EPHX2: variants seen among roughly 807,000 people sequenced by gnomAD.
EPHX2 encodes the protein bifunctional epoxide hydrolase 2.
EPHX2 carries 74 observed loss-of-function variants against 78.7 expected under a neutral mutation model. That is an observed-to-expected ratio of 0.94 (90% CI 0.78 to 1.14). EPHX2 has a LOEUF of 1.14. EPHX2 is among the 50% of genes most tolerant of loss of function. The pLI is 0.00. For missense variants in EPHX2, 715 were observed against 702.5 expected (o/e 1.02, Z -0.20); for synonymous variants, 251 against 255.2 (o/e 0.98, Z 0.16).
chr8:27,491,487 C>T (rs1459613244), intron 1 of EPHX2, among the ~76,000 whole-genome samples, 178 bp downstream of exon 1: 2 of 152,236 alleles, frequency 1.3e-5, no homozygotes, highest in Admixed American at 6.5e-5. Context: ...CGTTGTCTTT[C>T]TAAATGTTCA....
intron 1 of EPHX2, among the ~76,000 whole-genome samples, chr8:27,497,194 C>T (rs1813603890): frequency 6.6e-6 from 1 of 152,198 alleles, no homozygotes; most frequent in Non-Finnish European, 1.5e-5. Flanking sequence ...AGGGTGATGA[C>T]ATGAGCTGTC....
At chr8:27,498,988 A>G (rs948631107) in intron 1 of EPHX2, among the ~76,000 whole-genome samples, 2 of 152,192 alleles carry the variant, frequency 1.3e-5, no homozygotes, top group Non-Finnish European at 2.9e-5. Flanking sequence ...TCCAAGGTTG[A>G]GGGGTTGCAT....
intron 5 of EPHX2, among the ~76,000 whole-genome samples, chr8:27,510,926 A>G (rs1250228900): frequency 6.6e-6 from 1 of 152,142 alleles, no homozygotes; most frequent in African/African-American, 2.4e-5. Flanking sequence ...GTCAGCCTGG[A>G]TGACAGAGCA....
chr8:27,524,219 C>G (rs925736430), intron 11 of EPHX2, among the ~76,000 whole-genome samples: 3 of 152,208 alleles, frequency 2.0e-5, no homozygotes, highest in Non-Finnish European at 4.4e-5. Context: ...AGGCATGAGC[C>G]ACTATGCTTG....
chr8:27,500,805 C>G, intron 1 of EPHX2, 121 bp from the exon 2 acceptor site: 1 of 882,532 alleles, frequency 1.1e-6, no homozygotes, highest in South Asian at 1.7e-5. Flanking sequence ...TTTGCATTTT[C>G]CAGTTCCTGG....
At chr8:27,507,090 G>T (rs1814039121) in intron 5 of EPHX2, 96 bp downstream of exon 5, 2 of 1,488,358 alleles carry the variant, frequency 1.3e-6, no homozygotes, top group Admixed American at 4.2e-5. Context: ...TGTCCGTGGA[G>T]TCCATGAATG....
chr8:27,543,613 C>A, intron 16 of EPHX2, 136 bp from the exon 17 acceptor site: 1 of 777,158 alleles, frequency 1.3e-6, no homozygotes, highest in South Asian at 1.7e-5. Flanking sequence ...CAGTAATAAC[C>A]ACGAGTCTGT....
At chr8:27,522,248 G>A (rs1028584868) in intron 10 of EPHX2, among the ~76,000 whole-genome samples, 175 bp from the exon 11 acceptor site, 3 of 152,186 alleles carry the variant, frequency 2.0e-5, no homozygotes, top group Non-Finnish European at 4.4e-5. Context: ...GGCTATTTGT[G>A]TTGAGGGTCT....
intron 13 of EPHX2, among the ~76,000 whole-genome samples, chr8:27,537,569 T>A (rs1405872291): frequency 2.0e-5 from 3 of 152,196 alleles, no homozygotes; most frequent in Non-Finnish European, 4.4e-5. Flanking sequence ...GACACTGCAG[T>A]GTCTGATCTG....
intron 6 of EPHX2, among the ~76,000 whole-genome samples, chr8:27,513,706 T>C (rs532720534): frequency 6.6e-6 from 1 of 152,328 alleles, no homozygotes; most frequent in East Asian, 1.9e-4. Context: ...ATGCGTTTGC[T>C]GGGCTACTCA....
At position 27,541,410 on chromosome 8, in the gene EPHX2, G is replaced by T. The variant is rs1208888989; in HGVS notation, c.1380-63G>T. 1.9e-6 allele frequency: 3 copies of T among 1,540,018 alleles called. No homozygotes were observed. In the Admixed American group the frequency reaches 5.0e-5, roughly 26 times the overall value. On this transcript the variant is annotated intron_variant, in intron 15 of 18. Coordinates refer to ENST00000521400, the MANE Select transcript of EPHX2 (RefSeq NM_001979.6). ...TGGCTGTGCAGAGCAGGTTTCTGCT[G>T]GTGTCTGTAGCAGAGCCGTCTACTT...
At chr8:27,492,845 C>G (rs912664164) in intron 1 of EPHX2, 11 of 153,056 alleles carry the variant, frequency 7.2e-5, no homozygotes, top group Non-Finnish European at 1.2e-4. Flanking sequence ...AGTCCCCACT[C>G]GACCTAGGAA....
Position 27,537,064 on chromosome 8 carries a change from T to C in EPHX2, c.1242+209T>C, listed in dbSNP as rs563459763. 2.0e-5 allele frequency among the ~76,000 whole-genome samples: 3 copies of C among 152,332 alleles called. No homozygotes were observed. The South Asian group carries it at 6.2e-4, about 32-fold the overall frequency. ...GAGAATGATTATAATAATGATGGCT[T>C]GGAAATTATGCTATTACCATTACCA... On this transcript the variant is annotated intron_variant, in intron 13 of 18. Transcript: ENST00000521400.
intron 12 of EPHX2, among the ~76,000 whole-genome samples, chr8:27,531,212 AC>A (rs1815029037): frequency 6.6e-6 from 1 of 152,162 alleles, no homozygotes; most frequent in African/African-American, 2.4e-5. Context: ...AATCTGCCTG[AC>A]CTTCAACGAG....
chr8:27,507,655 A>C (rs1814064852), intron 5 of EPHX2, among the ~76,000 whole-genome samples: 1 of 152,248 alleles, frequency 6.6e-6, no homozygotes, highest in Non-Finnish European at 1.5e-5. Context: ...AAGGATGCAC[A>C]GCCATTGCCT....
intron 6 of EPHX2, 160 bp downstream of exon 6, chr8:27,512,070 C>A: frequency 1.8e-6 from 1 of 560,136 alleles, no homozygotes; most frequent in Non-Finnish European, 3.1e-6. Context: ...TGTGCTCCAG[C>A]CTGGGCAACG....
intron 5 of EPHX2, among the ~76,000 whole-genome samples, chr8:27,507,927 A>G (rs889865610): frequency 6.6e-6 from 1 of 151,964 alleles, no homozygotes; most frequent in African/African-American, 2.4e-5. Context: ...AGATTGCACT[A>G]GGTCCCACCC....
Position 27,544,600 on chromosome 8 carries a change from G to A in EPHX2, c.*78G>A. ...GCACCATTCTTAGTATACAGAGGTGGCCTTACACACATCTTGCATGGATGG... is the reference window on the plus strand; with the variant it reads ...GCACCATTCTTAGTATACAGAGGTGACCTTACACACATCTTGCATGGATGG... On this transcript the variant is annotated 3_prime_UTR_variant, in exon 19 of 19. Transcript: ENST00000521400. The A allele has an allele frequency of 1.4e-6, 2 of 1,455,644 alleles. No homozygotes were observed. The highest frequency in any genetic ancestry group is 1.9e-6 in the Non-Finnish European group (2 of 1,038,526). 90.2% of individuals were successfully genotyped at this position (1,455,644 alleles called of 1,614,324 possible).
chr8:27,544,289 C>T (rs1815512816), intron 18 of EPHX2, 45 bp downstream of exon 18: 2 of 1,608,754 alleles, frequency 1.2e-6, no homozygotes, highest in Non-Finnish European at 1.7e-6. Context: ...GCAGGGCCCC[C>T]CGTTCACCTT....
Sources: allele counts gnomAD v4.1 joint callset (sites outside exome capture counted in the v4.1 genomes callset), GRCh38; gene constraint gnomAD v4.1.1; transcripts MANE v1.5; gene names NCBI Gene and HGNC (gene_info 2026-07-23, HGNC 2026-07-21).